Variants in TNP2 observed in about 807,000 individuals in gnomAD.
TNP2 encodes transition protein 2.
TNP2 carries 10 observed loss-of-function variants against 8.5 expected under a neutral mutation model. The observed-to-expected ratio is 1.17, with a 90% CI of 0.72 to 1.99. The LOEUF (loss-of-function observed/expected upper bound fraction) is 1.99, where lower values mean the gene tolerates loss of function less well. Ranked by LOEUF, TNP2 falls within the 30% of genes most tolerant of loss-of-function variation. TNP2 has a pLI of 0.00. For synonymous variants in TNP2, 80 were observed against 62.3 expected (o/e 1.28, Z -1.34); for missense variants, 222 against 181.2 (o/e 1.23, Z -1.29).
chr16:11,268,940 T>A lies in TNP2; in HGVS notation c.323A>T (p.Asn108Ile). The A allele has an allele frequency of 6.2e-7, 1 of 1,610,768 alleles. No individual in the cohort carries two copies. Among genetic ancestry groups the A allele is most frequent in the Non-Finnish European group, 8.5e-7 (1 of 1,178,988 alleles). The change falls in exon 1 of 2, where the codon AAC becomes ATC. Residue 108 changes from asparagine (N) to isoleucine (I), a missense_variant. Asn to Ile is a moderately radical substitution (Grantham distance 149). Transcript: ENST00000312693. ...TTTCTTTTTCAGCTTGCCTTCCAAG[T>A]TCTTTCTGTTCTTGGGGCAGCGGCA... ...LHCRCPKNRKNLEGKLKKKKM... is the reference protein window; with the variant it reads ...LHCRCPKNRKILEGKLKKKKM...
chr16:11,268,379 C>G, intron 1 of TNP2: 1 of 271,638 alleles, frequency 3.7e-6, no homozygotes, highest in Non-Finnish European at 7.0e-6. Flanking sequence ...ACTTCTACAA[C>G]TATTTAACTC....
chr16:11,268,587 T>G, intron 1 of TNP2: 1 of 439,158 alleles, frequency 2.3e-6, no homozygotes. Context: ...CACCCAGTCA[T>G]CCACCCAACC....
At position 11,268,922 on chromosome 16, in the gene TNP2, T is replaced by C. The variant is rs201125198; in HGVS notation, c.341A>G (p.Lys114Arg). The change falls in exon 1 of 2, where the codon AAA (lysine) becomes AGA (arginine). Residue 114 changes from lysine to arginine, a missense_variant. By Grantham distance (26) the Lys-to-Arg change is conservative (BLOSUM62 2). Transcript: ENST00000312693. ...KNRKNLEGKL[K>R]KKKMAKRIQQ... Reference sequence around the variant, plus strand: ...GATCCTCTTGGCCATTTTTTTCTTTTTCAGCTTGCCTTCCAAGTTCTTTCT... The same window carrying C: ...GATCCTCTTGGCCATTTTTTTCTTTCTCAGCTTGCCTTCCAAGTTCTTTCT... 601 of 1,608,652 alleles carry C rather than the reference T, an allele frequency of 3.7e-4. No homozygotes were observed. Among genetic ancestry groups the C allele is most frequent in the Middle Eastern group, 1.7e-3 (10 of 6,022 alleles).
Position 11,268,975 on chromosome 16 carries a change from G to T in TNP2, c.288C>A (p.Thr96=). The T allele has an allele frequency of 6.2e-7, 1 of 1,613,920 alleles. No individual in the cohort carries two copies. The highest frequency in any genetic ancestry group is 1.1e-5 in the South Asian group (1 of 91,064). Residue 96 remains threonine, a synonymous_variant, in exon 1 of 2, where the codon ACC becomes ACA. Coordinates refer to ENST00000312693, the MANE Select transcript of TNP2 (RefSeq NM_005425.5). ...MNSHHSPMRP[T]ILHCRCPKNR... The stretch of plus-strand genomic sequence containing the variant: ...TCTTGGGGCAGCGGCAGTGCAGGAT[G>T]GTGGGCCGCATGGGAGAGTGGTGGG...
chr16:11,268,925 A>T lies in TNP2; in HGVS notation c.338T>A (p.Leu113Gln), dbSNP rs1240201023. The change falls in exon 1 of 2, where the codon CTG becomes CAG. Residue 113 changes from leucine (L) to glutamine (Q), a missense_variant. Physicochemically the swap from Leu to Gln is moderately radical, Grantham distance 113 (BLOSUM62 -2). Transcript: ENST00000312693. Reference protein sequence around the residue: ...PKNRKNLEGKLKKKKMAKRIQ... With the variant: ...PKNRKNLEGKQKKKKMAKRIQ... The stretch of plus-strand genomic sequence containing the variant: ...CCTCTTGGCCATTTTTTTCTTTTTC[A>T]GCTTGCCTTCCAAGTTCTTTCTGTT... The T allele has an allele frequency of 6.9e-6, 11 of 1,604,892 alleles. No individual in the cohort carries two copies. In the Admixed American group the frequency reaches 8.7e-5, roughly 13 times the overall value.
intron 1 of TNP2, chr16:11,268,270 A>C (rs1031660896): frequency 2.2e-6 from 1 of 456,932 alleles, no homozygotes; most frequent in African/African-American, 2.0e-5. Context: ...TTCCCATTCT[A>C]TCCCATTAGT....
rs750052401 is a variant in TNP2, at chr16:11,267,967, G to T, written c.*29C>A. 6.2e-6 allele frequency: 10 copies of T among 1,609,172 alleles called. No homozygotes were observed. In the South Asian group the frequency reaches 1.0e-4, roughly 16 times the overall value. Reference sequence around the variant, plus strand: ...GCATTTTCTCCTTTGGGTGAAACACGCAGGAACAAGCCAAGGAGTGCGGTC... The same window carrying T: ...GCATTTTCTCCTTTGGGTGAAACACTCAGGAACAAGCCAAGGAGTGCGGTC... On this transcript the variant is annotated 3_prime_UTR_variant, in exon 2 of 2. Transcript: ENST00000312693.
chr16:11,269,039 G>C lies in TNP2; in HGVS notation c.224C>G (p.Thr75Ser). 6.2e-7 allele frequency: 1 copy of C among 1,613,988 alleles called. No homozygotes were observed. Among genetic ancestry groups the C allele is most frequent in the Non-Finnish European group, 8.5e-7 (1 of 1,179,880 alleles). Residue 75 changes from threonine (T) to serine (S), a missense_variant, in exon 1 of 2, where the codon ACT (threonine) becomes AGT (serine). Coordinates refer to ENST00000312693, the MANE Select transcript of TNP2 (RefSeq NM_005425.5). ...TTTGTGGCGCTTTGGTGGTGGACTA[G>C]TGTTGGGACTCTGGCTCTGGTGGCC... The part of the protein sequence containing the change: ...SSGHQSQSPN[T>S]SPPPKRHKKT...
rs776714700 is a variant in TNP2, at chr16:11,268,867, G to A, written c.396C>T (p.Ser132=). 3 of 1,574,550 alleles carry A rather than the reference G, an allele frequency of 1.9e-6. No individual in the cohort carries two copies. The highest frequency in any genetic ancestry group is 2.6e-6 in the Non-Finnish European group (3 of 1,161,632). The change falls in exon 1 of 2, where the codon AGC becomes AGT. Residue 132 remains serine, a synonymous_variant. Coordinates refer to ENST00000312693, the MANE Select transcript of TNP2 (RefSeq NM_005425.5). ...CCCCACCTCCTTAAAGGGTACCTGA[G>A]CTCCGCGTCTTGGTTTTGTACACCT... ...IQQVYKTKTR[S]SGWKSN is the part of the protein sequence containing the mutation.
At chr16:11,268,815 C>T (rs1196769243) in intron 1 of TNP2, 48 bp downstream of exon 1, 1 of 1,510,238 alleles carries the variant, frequency 6.6e-7, no homozygotes, top group South Asian at 1.4e-5. Flanking sequence ...GGTCTGCTCT[C>T]CATCATCTGT....
In TNP2 at chr16:11,269,044, G is replaced by A; in HGVS notation, c.219C>T (p.Pro73=). The A allele has an allele frequency of 6.2e-7, 1 of 1,613,954 alleles. No homozygotes were observed. Among genetic ancestry groups the A allele is most frequent in the Non-Finnish European group, 8.5e-7 (1 of 1,179,880 alleles). The change falls in exon 1 of 2, where the codon CCC becomes CCT. Residue 73 remains proline (P), a synonymous_variant. Coordinates refer to ENST00000312693, the MANE Select transcript of TNP2 (RefSeq NM_005425.5). ...HSSSGHQSQS[P]NTSPPPKRHK... The stretch of plus-strand genomic sequence containing the variant: ...GGCGCTTTGGTGGTGGACTAGTGTT[G>A]GGACTCTGGCTCTGGTGGCCGGATG...
Position 11,268,888 on chromosome 16 carries a change from C to T in TNP2, c.375G>A (p.Val125=), listed in dbSNP as rs767807090. Residue 125 remains valine (V), a synonymous_variant, in exon 1 of 2, where the codon GTG becomes GTA. Coordinates refer to ENST00000312693, the MANE Select transcript of TNP2 (RefSeq NM_005425.5). ...CTGAGCTCCGCGTCTTGGTTTTGTACACCTGCTGGATCCTCTTGGCCATTT... is the reference window on the plus strand; with the variant it reads ...CTGAGCTCCGCGTCTTGGTTTTGTATACCTGCTGGATCCTCTTGGCCATTT... The part of the protein sequence containing the change: ...KKKMAKRIQQ[V]YKTKTRSSGW... 3.1e-6 allele frequency: 5 copies of T among 1,596,598 alleles called. No homozygotes were observed. The highest frequency in any genetic ancestry group is 4.5e-5 in the East Asian group (2 of 44,752).
chr16:11,269,092 G>A lies in TNP2; in HGVS notation c.171C>T (p.Arg57=). The change falls in exon 1 of 2, where the codon CGC becomes CGT. Residue 57 remains arginine (R), a synonymous_variant. Coordinates refer to ENST00000312693, the MANE Select transcript of TNP2 (RefSeq NM_005425.5). ...ATGAGCTGTGGGCTCCAGTTGGGTT[G>A]CGGTGGCTGGCCGGGCTCTGGCTGG... ...QSSSQSPASH[R]NPTGAHSSSG... The A allele has an allele frequency of 6.2e-7, 1 of 1,614,010 alleles. No individual in the cohort carries two copies. Among genetic ancestry groups the A allele is most frequent in the Non-Finnish European group, 8.5e-7 (1 of 1,179,886 alleles).
intron 1 of TNP2, 83 bp downstream of exon 1, chr16:11,268,780 G>T: frequency 7.0e-7 from 1 of 1,418,502 alleles, no homozygotes; most frequent in Non-Finnish European, 9.3e-7. Flanking sequence ...TGACCTGGCT[G>T]CAGCCTTCCT....
intron 1 of TNP2, 96 bp downstream of exon 1, chr16:11,268,767 T>C (rs1401729612): frequency 3.7e-6 from 5 of 1,349,806 alleles, no homozygotes; most frequent in Non-Finnish European, 4.9e-6. Context: ...TGTGGTTCCT[T>C]TGTGACCTGG....
chr16:11,268,328 C>T (rs1354733720), intron 1 of TNP2: 1 of 305,162 alleles, frequency 3.3e-6, no homozygotes, highest in Non-Finnish European at 6.1e-6. Context: ...CTATATTACT[C>T]TATTAAGATA....
At chr16:11,268,233 C>G (rs376468189) in intron 1 of TNP2, 1 of 508,066 alleles carries the variant, frequency 2.0e-6, no homozygotes. Flanking sequence ...TTAGTTCACT[C>G]ATTCCATTCA....
chr16:11,268,918 CT>C lies in TNP2; in HGVS notation c.344del (p.Lys115ArgfsTer63). The C allele has an allele frequency of 6.2e-7, 1 of 1,602,282 alleles. No homozygotes were observed. Among genetic ancestry groups the C allele is most frequent in the Non-Finnish European group, 8.5e-7 (1 of 1,176,520 alleles). On this transcript the variant is annotated frameshift_variant, in exon 1 of 2. Coordinates refer to ENST00000312693, the MANE Select transcript of TNP2 (RefSeq NM_005425.5). LOFTEE classifies it high-confidence loss of function. ...GCTGGATCCTCTTGGCCATTTTTTT[CT>C]TTTTCAGCTTGCCTTCCAAGTTCTT... Reference protein sequence around the residue: ...NRKNLEGKLKKKKMAKRIQQV... With the variant: ...NRKNLEGKLKXKKMAKRIQQV...
chr16:11,268,640 G>C (rs1383328666), intron 1 of TNP2: 1 of 504,248 alleles, frequency 2.0e-6, no homozygotes, highest in Non-Finnish European at 3.4e-6. Context: ...TCTGCTATCT[G>C]TCCATCTTTC....
Sources: allele counts gnomAD v4.1 joint callset, GRCh38; gene constraint gnomAD v4.1.1; transcripts MANE v1.5; gene names NCBI Gene and HGNC (gene_info 2026-07-23, HGNC 2026-07-21).